IFT25: variants seen among roughly 807,000 people sequenced by gnomAD.
IFT25 encodes the protein intraflagellar transport 25, also known as intraflagellar transport protein 25 homolog.
chr1:53,944,261 T>C, the IFT25 span, among the ~76,000 whole-genome samples: 1 of 152,190 alleles, frequency 6.6e-6, no homozygotes, highest in South Asian at 2.1e-4. Flanking sequence ...CCTGACACTT[T>C]GGAAGGCCGA....
the IFT25 span, chr1:53,928,968 T>C: frequency 6.5e-6 from 1 of 153,100 alleles, no homozygotes; most frequent in South Asian, 2.1e-4. Flanking sequence ...AGAAGAGACT[T>C]ATCAGGAATA....
chr1:53,938,258 T>C, the IFT25 span, among the ~76,000 whole-genome samples: 6 of 152,238 alleles, frequency 3.9e-5, no homozygotes, highest in Non-Finnish European at 8.8e-5. Context: ...TTTATATGTA[T>C]GTGTGTATGT....
chr1:53,929,611 GTAAATAA>G, the IFT25 span: 1 of 154,026 alleles, frequency 6.5e-6, no homozygotes, highest in African/African-American at 2.4e-5. Flanking sequence ...ACTATCCAAT[GTAAATAA>G]TCAGAGTTAT....
the IFT25 span, chr1:53,921,788 T>C: frequency 6.8e-6 from 10 of 1,477,084 alleles, no homozygotes; most frequent in Non-Finnish European, 9.5e-6. Context: ...AAAAAATCAA[T>C]ATAAATGCTT....
chr1:53,930,415 G>A, the IFT25 span, among the ~76,000 whole-genome samples: 3 of 152,058 alleles, frequency 2.0e-5, no homozygotes, highest in East Asian at 1.9e-4. Context: ...AAACTCCTTC[G>A]TATGGCATTT....
At chr1:53,916,037 T>C in the IFT25 span, among the ~76,000 whole-genome samples, 6 of 151,844 alleles carry the variant, frequency 4.0e-5, no homozygotes, top group African/African-American at 1.5e-4. Context: ...TACAAAAAAT[T>C]AGCCAGGTGT....
At chr1:53,923,775 C>T in the IFT25 span, 3 of 650,686 alleles carry the variant, frequency 4.6e-6, no homozygotes, top group Non-Finnish European at 8.1e-6. Flanking sequence ...ATAACTTTCT[C>T]TACCGGTTGA....
the IFT25 span, among the ~76,000 whole-genome samples, chr1:53,940,383 G>A: frequency 1.1e-3 from 163 of 152,130 alleles, 2 homozygotes; most frequent in African/African-American, 3.8e-3. Context: ...GTCAACCGAG[G>A]AGAACAACAT....
chr1:53,923,864 T>C, the IFT25 span: 2 of 1,189,094 alleles, frequency 1.7e-6, no homozygotes, highest in Non-Finnish European at 2.5e-6. Context: ...AAATACATTG[T>C]GCAGGTTAAT....
the IFT25 span, among the ~76,000 whole-genome samples, chr1:53,945,238 T>G: frequency 4.6e-5 from 7 of 152,280 alleles, no homozygotes; most frequent in Non-Finnish European, 7.3e-5. Context: ...TGTGTTACGT[T>G]GCGGCTGACA....
the IFT25 span, among the ~76,000 whole-genome samples, chr1:53,938,845 C>A: frequency 1.3e-5 from 2 of 152,004 alleles, no homozygotes; most frequent in East Asian, 3.9e-4. Context: ...GAGGCCAAGG[C>A]GGGCGAATCA....
At chr1:53,930,017 A>T in the IFT25 span, 1 of 1,534,968 alleles carries the variant, frequency 6.5e-7, no homozygotes, top group Admixed American at 2.5e-5. Flanking sequence ...AAAAAAAAAA[A>T]ATTAATGTAA....
the IFT25 span, among the ~76,000 whole-genome samples, chr1:53,915,265 TGAGA>T: frequency 1.3e-5 from 2 of 152,086 alleles, no homozygotes; most frequent in African/African-American, 4.8e-5. Flanking sequence ...TACATTCTAG[TGAGA>T]GAGATGATAA....
chr1:53,942,349 C>A, the IFT25 span, among the ~76,000 whole-genome samples: 1 of 152,116 alleles, frequency 6.6e-6, no homozygotes, highest in Admixed American at 6.6e-5. Flanking sequence ...ATGCGTTTAA[C>A]ATTTTAAAAT....
chr1:53,930,532 T>C, the IFT25 span, among the ~76,000 whole-genome samples: 1 of 152,208 alleles, frequency 6.6e-6, no homozygotes, highest in East Asian at 1.9e-4. Context: ...CTCTTGCTTC[T>C]GTACCTTAGT....
chr1:53,930,628 C>T, the IFT25 span, among the ~76,000 whole-genome samples: 2 of 152,120 alleles, frequency 1.3e-5, no homozygotes, highest in African/African-American at 2.4e-5. Flanking sequence ...TTATCTAACC[C>T]CACCAAATCA....
chr1:53,911,807 T>C, the IFT25 span, among the ~76,000 whole-genome samples: 2 of 152,188 alleles, frequency 1.3e-5, no homozygotes, highest in Admixed American at 1.3e-4. Context: ...TATCTTGACC[T>C]ATAAAACAGG....
chr1:53,926,978 G>C, the IFT25 span, among the ~76,000 whole-genome samples: 14 of 151,972 alleles, frequency 9.2e-5, no homozygotes, highest in East Asian at 1.9e-3. Flanking sequence ...TCCTCCCTCA[G>C]CCTCCCAAAG....
the IFT25 span, chr1:53,923,570 C>T: frequency 5.7e-5 from 13 of 229,120 alleles, no homozygotes; most frequent in South Asian, 1.5e-4. Flanking sequence ...TTTGGCATCG[C>T]GACCCTTTTT....
Sources: gnomAD v4.1 joint callset for allele counts (sites outside exome capture counted in the v4.1 genomes callset) on GRCh38, gnomAD v4.1.1 for gene constraint, MANE v1.5 for transcripts, NCBI Gene and HGNC (gene_info 2026-07-23, HGNC 2026-07-21) for gene names.